The following BCR variants were observed in gnomAD, a reference collection of about 807,000 sequenced individuals.
The protein encoded by BCR is BCR activator of RhoGEF and GTPase, also known as breakpoint cluster region protein.
BCR carries 58 observed loss-of-function variants against 138.6 expected under a neutral mutation model. That is an observed-to-expected ratio of 0.42 (90% CI 0.34 to 0.52). The LOEUF (loss-of-function observed/expected upper bound fraction) is 0.52. Ranked by LOEUF, BCR falls within the 20% of genes least tolerant of loss-of-function variation. BCR has a pLI of 0.06. For synonymous variants in BCR, 786 were observed against 730.1 expected (o/e 1.08, Z -1.23); for missense variants, 1,599 against 1,727.2 (o/e 0.93, Z 1.32).
At chr22:23,237,970 C>T (rs1473478963) in intron 1 of BCR, among the ~76,000 whole-genome samples, 1 of 152,220 alleles carries the variant, frequency 6.6e-6, no homozygotes, top group African/African-American at 2.4e-5. Flanking sequence ...ACAGGTGAGG[C>T]TTCCGGTAAT....
Position 23,262,710 on chromosome 22 carries a change from C to T in BCR, c.1752+1170C>T, listed in dbSNP as rs939103058. ...CGGGAATGGCGGGCCCGGGTGAGGG[C>T]GGGCCCGGGTGAGGGCGGGGGCGGA... is the stretch of plus-strand genomic sequence containing the variant. On this transcript the variant is annotated intron_variant, in intron 4 of 22. Coordinates refer to ENST00000305877, the MANE Select transcript of BCR (RefSeq NM_004327.4). 9.1e-6 allele frequency: 7 copies of T among 772,776 alleles called. No individual in the cohort carries two copies. In the South Asian group the frequency reaches 2.9e-4, roughly 32 times the overall value. The allele number at this position is 772,776 out of a possible 1,614,324, so 47.9% of individuals were successfully genotyped here.
chr22:23,303,320 T>C (rs1273618886), intron 16 of BCR, among the ~76,000 whole-genome samples: 1 of 151,988 alleles, frequency 6.6e-6, no homozygotes, highest in Admixed American at 6.6e-5. Context: ...ACAGGGGACG[T>C]GATGGGAGTC....
At chr22:23,222,346 G>T (rs1406470546) in intron 1 of BCR, among the ~76,000 whole-genome samples, 1 of 152,158 alleles carries the variant, frequency 6.6e-6, no homozygotes, top group Non-Finnish European at 1.5e-5. Flanking sequence ...GTCTGATTCC[G>T]GCCGAGTTTC....
intron 16 of BCR, among the ~76,000 whole-genome samples, chr22:23,305,062 C>T (rs745849077): frequency 2.0e-5 from 3 of 151,190 alleles, no homozygotes; most frequent in African/African-American, 4.9e-5. Flanking sequence ...TGCAGTCAGC[C>T]GAGATCTCGC....
chr22:23,259,966 C>G (rs888371872), intron 2 of BCR, among the ~76,000 whole-genome samples: 1 of 152,024 alleles, frequency 6.6e-6, no homozygotes, highest in African/African-American at 2.4e-5. Flanking sequence ...CCAGCCTGAG[C>G]GACAGAGTGA....
At chr22:23,312,838 C>T (rs1238792124) in intron 19 of BCR, 49 bp from the exon 20 acceptor site, 1 of 1,594,026 alleles carries the variant, frequency 6.3e-7, no homozygotes, top group South Asian at 1.1e-5. Flanking sequence ...TGGTGGGAGA[C>T]TCACTCGGGA....
chr22:23,200,786 C>G (rs904566988), intron 1 of BCR, among the ~76,000 whole-genome samples: 3 of 152,174 alleles, frequency 2.0e-5, no homozygotes, highest in Non-Finnish European at 2.9e-5. Context: ...TCTCAAACTC[C>G]TGGGCTCAAG....
At chr22:23,263,332 G>T in intron 4 of BCR, 3 of 1,193,342 alleles carry the variant, frequency 2.5e-6, no homozygotes, top group Non-Finnish European at 3.7e-6. Flanking sequence ...GACCTGCTCC[G>T]GCGCCAGATA....
intron 1 of BCR, among the ~76,000 whole-genome samples, chr22:23,223,808 G>C (rs1328332870): frequency 6.6e-6 from 1 of 151,344 alleles, no homozygotes; most frequent in Non-Finnish European, 1.5e-5. Context: ...CATTGACAGT[G>C]GGGGGCTTTG....
chr22:23,182,665 T>C (rs1309876067), intron 1 of BCR, among the ~76,000 whole-genome samples: 1 of 152,174 alleles, frequency 6.6e-6, no homozygotes, highest in African/African-American at 2.4e-5. Context: ...CTGATTTATG[T>C]CTTGGGCATT....
At chr22:23,269,960 A>G (rs1331981647) in intron 5 of BCR, among the ~76,000 whole-genome samples, 1 of 152,124 alleles carries the variant, frequency 6.6e-6, no homozygotes, top group Non-Finnish European at 1.5e-5. Flanking sequence ...CATGGTTGAG[A>G]TGCAGGGAGT....
At chr22:23,183,771 G>C (rs761193232) in intron 1 of BCR, among the ~76,000 whole-genome samples, 12 of 152,374 alleles carry the variant, frequency 7.9e-5, no homozygotes, top group Non-Finnish European at 1.6e-4. Flanking sequence ...AATTGAAATT[G>C]ATAGTCTTTG....
At chr22:23,225,549 G>T (rs1602034840) in intron 1 of BCR, among the ~76,000 whole-genome samples, 1 of 152,226 alleles carries the variant, frequency 6.6e-6, no homozygotes, top group Non-Finnish European at 1.5e-5. Context: ...CAGGACACGG[G>T]TATGGGGGAA....
intron 1 of BCR, among the ~76,000 whole-genome samples, chr22:23,211,794 T>C (rs1183699632): frequency 6.6e-6 from 1 of 152,138 alleles, no homozygotes; most frequent in East Asian, 1.9e-4. Flanking sequence ...ATCTTAGAGC[T>C]TCTCAATAGA....
In BCR at chr22:23,295,033, A is replaced by G; in HGVS notation, c.2890A>G (p.Ile964Val). ...AEPNWNEEFE[I>V]ELEGSQTLRI... ...TCCCTTGGGGCTGCAGGAATTTGAG[A>G]TAGAGCTGGAGGGCTCCCAGACCCT... The change falls in exon 16 of 23, where the codon ATA becomes GTA. Residue 964 changes from isoleucine to valine, a missense_variant. Around this residue, in one of 4 missense-constraint regions of BCR, gnomAD observed 590 missense variants for 762.4 expected, o/e 0.77. Transcript: ENST00000305877. 1 of 1,613,984 alleles carries G rather than the reference A, an allele frequency of 6.2e-7. No individual in the cohort carries two copies. Among genetic ancestry groups the G allele is most frequent in the Non-Finnish European group, 8.5e-7 (1 of 1,179,938 alleles).
chr22:23,199,136 AG>A, intron 1 of BCR: 8 of 325,310 alleles, frequency 2.5e-5, no homozygotes, highest in South Asian at 1.1e-4. Context: ...AAAAAAAAAA[AG>A]AATTTGGCCC....
chr22:23,207,261 C>T (rs2072628714), intron 1 of BCR, among the ~76,000 whole-genome samples: 1 of 152,156 alleles, frequency 6.6e-6, no homozygotes, highest in Non-Finnish European at 1.5e-5. Flanking sequence ...TGAGTACCAA[C>T]CAGGCACTGA....
intron 13 of BCR, 92 bp from the exon 14 acceptor site, chr22:23,290,247 C>A: frequency 7.8e-7 from 1 of 1,284,904 alleles, no homozygotes; most frequent in Non-Finnish European, 1.1e-6. Context: ...ACACAGTGTC[C>A]ACCGGATGGT....
At position 23,188,720 on chromosome 22, in the gene BCR, A is replaced by G. The variant is rs192912076; in HGVS notation, c.1279+6481A>G. Among the ~76,000 whole-genome samples, 298 of 151,760 alleles carry G rather than the reference A, an allele frequency of 2.0e-3. 2 individuals are homozygous for G. The highest frequency in any genetic ancestry group is 6.8e-3 in the African/African-American group (283 of 41,442). ...TTAAATTAACTATGAACCCCAGGGA[A>G]TATCTTGACCCTGACTGGAATACAA... On this transcript the variant is annotated intron_variant, in intron 1 of 22. Transcript: ENST00000305877.
Sources: allele counts gnomAD v4.1 joint callset (sites outside exome capture counted in the v4.1 genomes callset), GRCh38; gene constraint gnomAD v4.1.1; regional missense constraint gnomAD v4.1.1; transcripts MANE v1.5; gene names NCBI Gene and HGNC (gene_info 2026-07-23, HGNC 2026-07-21).